Variants in NCK2 observed in about 807,000 individuals in gnomAD.
NCK2 encodes the protein cytoplasmic protein NCK2.
In NCK2, 16 loss-of-function variants were observed where a neutral mutation model predicts 33.9. The observed-to-expected ratio is 0.47, with a 90% CI of 0.32 to 0.72. The LOEUF (loss-of-function observed/expected upper bound fraction) is 0.72. Ranked by LOEUF, NCK2 falls within the 30% of genes least tolerant of loss-of-function variation. NCK2 has a pLI of 0.03. For synonymous variants in NCK2, 273 were observed against 239.9 expected (o/e 1.14, Z -1.27); for missense variants, 418 against 537.3 (o/e 0.78, Z 2.19).
At chr2:105,835,272 T>C (rs562319431) in intron 2 of NCK2, among the ~76,000 whole-genome samples, 15 of 150,878 alleles carry the variant, frequency 9.9e-5, no homozygotes, top group African/African-American at 3.7e-4. Flanking sequence ...TGGTGATGAA[T>C]TCCTCCAATT....
At chr2:105,870,495 C>A (rs996507569) in intron 3 of NCK2, among the ~76,000 whole-genome samples, 2 of 152,226 alleles carry the variant, frequency 1.3e-5, no homozygotes, top group Non-Finnish European at 1.5e-5. Flanking sequence ...TGGCTCACAC[C>A]TGTAATTCCC....
chr2:105,778,121 G>A (rs564653170), intron 1 of NCK2, among the ~76,000 whole-genome samples: 46 of 152,312 alleles, frequency 3.0e-4, no homozygotes, highest in African/African-American at 1.1e-3. Flanking sequence ...TTGTCCTAAG[G>A]ACAAGATGTG....
chr2:105,859,394 C>A (rs1677426432), intron 3 of NCK2, among the ~76,000 whole-genome samples: 1 of 152,278 alleles, frequency 6.6e-6, no homozygotes, highest in South Asian at 2.1e-4. Flanking sequence ...GCCACCCTAC[C>A]TACCTGGGAC....
intron 1 of NCK2, among the ~76,000 whole-genome samples, chr2:105,801,354 C>CT (rs1674828382): frequency 6.6e-6 from 1 of 152,034 alleles, no homozygotes; most frequent in South Asian, 2.1e-4. Flanking sequence ...GCTCACTCGG[C>CT]TTGCCTCCCC....
In NCK2 at chr2:105,829,235, A is replaced by T. The variant is rs190176931; in HGVS notation, c.-17+12622A>T. Among the ~76,000 whole-genome samples the T allele has an allele frequency of 1.0e-3, 157 of 152,214 alleles. 2 individuals are homozygous for T. Among genetic ancestry groups the T allele is most frequent in the African/African-American group, 3.7e-3 (153 of 41,528 alleles). On this transcript the variant is annotated intron_variant, in intron 2 of 4. Transcript: ENST00000233154. ...CAAATGCCTGTGAACCTACCTCCCA[A>T]CTTAAAAACTAGAATATTCTCAATA...
At chr2:105,865,215 G>A (rs945421745) in intron 3 of NCK2, among the ~76,000 whole-genome samples, 4 of 152,246 alleles carry the variant, frequency 2.6e-5, no homozygotes, top group South Asian at 2.1e-4. Flanking sequence ...ATTTCTCCTC[G>A]AGTGCCTAAA....
intron 2 of NCK2, among the ~76,000 whole-genome samples, chr2:105,836,245 C>T (rs1455782160): frequency 6.6e-5 from 10 of 151,106 alleles, no homozygotes; most frequent in Admixed American, 5.3e-4. Flanking sequence ...TTCTTTTTTT[C>T]AGTTTCATGG....
chr2:105,885,754 G>A (rs980395162), intron 4 of NCK2, among the ~76,000 whole-genome samples: 38 of 152,218 alleles, frequency 2.5e-4, no homozygotes, highest in African/African-American at 8.7e-4. Flanking sequence ...TCTTGCAGCT[G>A]TTATTAAAAC....
intron 2 of NCK2, among the ~76,000 whole-genome samples, chr2:105,822,906 G>T (rs1056359985): frequency 2.4e-4 from 37 of 152,008 alleles, no homozygotes; most frequent in Non-Finnish European, 4.9e-4. Context: ...GTTGGATGGT[G>T]ACCTGTGTCT....
intron 1 of NCK2, among the ~76,000 whole-genome samples, chr2:105,795,282 T>A (rs1691038728): frequency 6.7e-6 from 1 of 149,328 alleles, no homozygotes; most frequent in Non-Finnish European, 1.5e-5. Flanking sequence ...CACATATGTG[T>A]ATACAGTGAT....
intron 3 of NCK2, among the ~76,000 whole-genome samples, chr2:105,864,863 A>T (rs2104612316): frequency 7.8e-6 from 1 of 127,482 alleles, no homozygotes; most frequent in African/African-American, 2.6e-5. Flanking sequence ...ACACACACAC[A>T]CACACACACA....
intron 1 of NCK2, among the ~76,000 whole-genome samples, chr2:105,789,954 C>G (rs1348947978): frequency 2.6e-5 from 4 of 152,220 alleles, no homozygotes; most frequent in African/African-American, 9.6e-5. Flanking sequence ...TGTGTTTTGC[C>G]ATCACTGCCT....
Position 105,773,703 on chromosome 2 carries a change from A to G in NCK2, c.-201+28565A>G, listed in dbSNP as rs538413802. Among the ~76,000 whole-genome samples the G allele has an allele frequency of 4.6e-5, 7 of 152,152 alleles. No homozygotes were observed. The South Asian group carries it at 1.5e-3, about 32-fold the overall frequency. On this transcript the variant is annotated intron_variant, in intron 1 of 4. Transcript: ENST00000233154. ...AGCAGCAGTCACCCACTCAACAACT[A>G]TTTGAGCACCTACTCTGAGCCAGGT...
intron 3 of NCK2, among the ~76,000 whole-genome samples, chr2:105,873,349 T>C (rs1026624848): frequency 1.3e-5 from 2 of 152,178 alleles, no homozygotes; most frequent in African/African-American, 4.8e-5. Flanking sequence ...AAATCGAGGT[T>C]ACATCATGTT....
intron 1 of NCK2, among the ~76,000 whole-genome samples, chr2:105,779,596 T>A (rs1042304891): frequency 6.6e-6 from 1 of 152,138 alleles, no homozygotes; most frequent in Non-Finnish European, 1.5e-5. Context: ...CCATTCTTTG[T>A]GCTTTACACT....
intron 2 of NCK2, among the ~76,000 whole-genome samples, chr2:105,824,770 G>A (rs910431701): frequency 1.3e-5 from 2 of 152,054 alleles, no homozygotes; most frequent in African/African-American, 4.8e-5. Context: ...GATGAAGTTG[G>A]GTGTGTGAAC....
intron 4 of NCK2, among the ~76,000 whole-genome samples, chr2:105,888,567 G>T (rs531678098): frequency 7.2e-5 from 11 of 152,316 alleles, no homozygotes; most frequent in South Asian, 4.1e-4. Flanking sequence ...ATCTATGATG[G>T]CTTAAAAAGA....
chr2:105,861,364 G>A (rs1057356904), intron 3 of NCK2, among the ~76,000 whole-genome samples: 1 of 152,158 alleles, frequency 6.6e-6, no homozygotes, highest in Non-Finnish European at 1.5e-5. Flanking sequence ...AGGAAGTCTG[G>A]CTCGTGCACC....
intron 1 of NCK2, among the ~76,000 whole-genome samples, chr2:105,793,394 G>A (rs1367148751): frequency 6.6e-6 from 1 of 152,168 alleles, no homozygotes; most frequent in Non-Finnish European, 1.5e-5. Flanking sequence ...GGTCAGGTGA[G>A]CTGCCATCTT....
Sources: allele counts gnomAD v4.1 joint callset (sites outside exome capture counted in the v4.1 genomes callset), GRCh38; gene constraint gnomAD v4.1.1; transcripts MANE v1.5; gene names NCBI Gene and HGNC (gene_info 2026-07-23, HGNC 2026-07-21).